The following MZT1 variants were observed in gnomAD, a reference collection of about 807,000 sequenced individuals.
The protein encoded by MZT1 is mitotic spindle organizing protein 1.
Under a neutral mutation model 8.5 loss-of-function variants are expected in MZT1, and 8 were observed. The ratio of observed to expected loss-of-function variants is 0.94; its 90% CI spans 0.55 to 1.70. The LOEUF (loss-of-function observed/expected upper bound fraction) is 1.70, where lower values mean the gene tolerates loss of function less well. Among genes scored for constraint, MZT1 ranks in the 40% most tolerant of loss-of-function variants. The pLI, the probability that MZT1 is intolerant of heterozygous loss-of-function variation, is 0.00. For synonymous variants in MZT1, 38 were observed against 42.0 expected (o/e 0.90, Z 0.37); for missense variants, 93 against 108.6 (o/e 0.86, Z 0.64).
In MZT1 at chr13:72,708,421, G is replaced by A. The variant is rs1027167042; in HGVS notation, c.*1901C>T. 5.2e-5 allele frequency: 8 copies of A among 152,504 alleles called. No individual in the cohort carries two copies. The highest frequency in any genetic ancestry group is 8.8e-5 in the Non-Finnish European group (6 of 68,008). 9.4% of individuals were successfully genotyped at this position (152,504 alleles called of 1,614,324 possible). ...TGACAACAAGCACAACACTGCAATT[G>A]TATCATTATTTTGTTTAGTTTCTTA... On this transcript the variant is annotated 3_prime_UTR_variant, in exon 3 of 3. Coordinates refer to ENST00000377818, the MANE Select transcript of MZT1 (RefSeq NM_001071775.3).
At chr13:72,724,605 C>A (rs964047580) in intron 1 of MZT1, among the ~76,000 whole-genome samples, 1 of 134,932 alleles carries the variant, frequency 7.4e-6, no homozygotes, top group Non-Finnish European at 1.6e-5. Context: ...GTGGCGCAAT[C>A]TCAGCTCACG....
intron 2 of MZT1, among the ~76,000 whole-genome samples, chr13:72,715,353 T>G (rs562722354): frequency 6.7e-6 from 1 of 149,636 alleles, no homozygotes; most frequent in African/African-American, 2.4e-5. Context: ...TTGTTTTAGA[T>G]TTTACAGGCT....
In MZT1 at chr13:72,719,891, C is replaced by T. The variant is rs933941724; in HGVS notation, c.80-794G>A. On this transcript the variant is annotated intron_variant, in intron 1 of 2. Coordinates refer to ENST00000377818, the MANE Select transcript of MZT1 (RefSeq NM_001071775.3). ...TCCCTTCCATTACAGGTTGTAAGTA[C>T]ACCGGTTCCACTGAATTTTGTTTTA... 2.1e-4 allele frequency among the ~76,000 whole-genome samples: 6 copies of T among 28,916 alleles called. No individual in the cohort carries two copies. In the Non-Finnish European group the frequency reaches 2.9e-3, roughly 14 times the overall value. The allele number at this position is 28,916 out of a possible 152,430, so 19.0% of individuals were successfully genotyped here.
In MZT1 at chr13:72,708,617, A is replaced by C. The variant is rs1233210071; in HGVS notation, c.*1705T>G. On this transcript the variant is annotated 3_prime_UTR_variant, in exon 3 of 3. Transcript: ENST00000377818. ...AATACTATCAACTCTTATGGCCTGG[A>C]AGTATATACAAATTTTGGAGTCTGA... 6.6e-6 allele frequency: 1 copy of C among 152,416 alleles called. No individual in the cohort carries two copies. Among genetic ancestry groups the C allele is most frequent in the Admixed American group, 6.6e-5 (1 of 15,262 alleles). The allele number at this position is 152,416 out of a possible 1,614,324, so 9.4% of individuals were successfully genotyped here.
chr13:72,711,798 G>A (rs2032491423), intron 2 of MZT1, among the ~76,000 whole-genome samples: 1 of 151,966 alleles, frequency 6.6e-6, no homozygotes, highest in Non-Finnish European at 1.5e-5. Context: ...GGGTGGTCAA[G>A]GAAAGGCAGG....
intron 1 of MZT1, among the ~76,000 whole-genome samples, chr13:72,722,745 C>T (rs1411029765): frequency 6.6e-6 from 1 of 152,180 alleles, no homozygotes; most frequent in East Asian, 1.9e-4. Context: ...CCGACAATCC[C>T]CTGCTGTGGT....
intron 1 of MZT1, among the ~76,000 whole-genome samples, chr13:72,720,350 T>C (rs1593798176): frequency 1.3e-5 from 2 of 152,252 alleles, no homozygotes; most frequent in South Asian, 4.1e-4. Context: ...TTCATTTATA[T>C]AAGCCATTTT....
In MZT1 at chr13:72,714,011, C is replaced by T. The variant is rs144630735; in HGVS notation, c.226-3666G>A. 1.5e-4 allele frequency among the ~76,000 whole-genome samples: 23 copies of T among 152,274 alleles called. 1 individual carries two copies. The East Asian group carries it at 3.3e-3, about 22-fold the overall frequency. On this transcript the variant is annotated intron_variant, in intron 2 of 2. Transcript: ENST00000377818. ...GGTTTGAGGTAAAAAAGAAACTTCCCTATCTAAATAGGAGACAAGTGCTGA... is the reference window on the plus strand; with the variant it reads ...GGTTTGAGGTAAAAAAGAAACTTCCTTATCTAAATAGGAGACAAGTGCTGA...
chr13:72,717,087 C>T (rs1270528941), intron 2 of MZT1, among the ~76,000 whole-genome samples: 2 of 152,180 alleles, frequency 1.3e-5, no homozygotes, highest in Admixed American at 6.5e-5. Flanking sequence ...CACTCTTAGC[C>T]CTGTCTCCAG....
At chr13:72,717,710 G>T (rs1055445065) in intron 2 of MZT1, among the ~76,000 whole-genome samples, 3 of 152,140 alleles carry the variant, frequency 2.0e-5, no homozygotes, top group Middle Eastern at 3.4e-3. Flanking sequence ...TTCCATCTGG[G>T]TCTTCACTAA....
chr13:72,708,649 T>A lies in MZT1; in HGVS notation c.*1673A>T, dbSNP rs1030091274. On this transcript the variant is annotated 3_prime_UTR_variant, in exon 3 of 3. Coordinates refer to ENST00000377818, the MANE Select transcript of MZT1 (RefSeq NM_001071775.3). ...TACAAATTTTGGAGTCTGACAAAAG[T>A]GTTCTTTATGATTTTATAAATAACA... is the stretch of plus-strand genomic sequence containing the variant. 1 of 152,254 alleles carries A rather than the reference T, an allele frequency of 6.6e-6. No individual in the cohort carries two copies. Among genetic ancestry groups the A allele is most frequent in the Non-Finnish European group, 1.5e-5 (1 of 67,998 alleles). 9.4% of individuals were successfully genotyped at this position (152,254 alleles called of 1,614,324 possible).
At chr13:72,720,695 C>A (rs2032584260) in intron 1 of MZT1, among the ~76,000 whole-genome samples, 1 of 152,078 alleles carries the variant, frequency 6.6e-6, no homozygotes, top group Admixed American at 6.6e-5. Flanking sequence ...TCGAGACCAG[C>A]CTGACCAACA....
chr13:72,710,724 A>C (rs942920773), intron 2 of MZT1, among the ~76,000 whole-genome samples: 1 of 152,124 alleles, frequency 6.6e-6, no homozygotes, highest in Non-Finnish European at 1.5e-5. Context: ...TTCATGCTAC[A>C]AGGCAGAGAG....
At chr13:72,720,923 A>T (rs1008149666) in intron 1 of MZT1, among the ~76,000 whole-genome samples, 3 of 72,710 alleles carry the variant, frequency 4.1e-5, no homozygotes, top group Non-Finnish European at 6.6e-5. Flanking sequence ...ATAGCAGTTC[A>T]ATTTGAGTCT....
chr13:72,714,053 T>C (rs1012756609), intron 2 of MZT1, among the ~76,000 whole-genome samples: 1 of 152,114 alleles, frequency 6.6e-6, no homozygotes, highest in Non-Finnish European at 1.5e-5. Flanking sequence ...AGATAATGGG[T>C]AAAAGGCCTA....
intron 1 of MZT1, 149 bp downstream of exon 1, chr13:72,727,375 C>T (rs2032684259): frequency 1.3e-6 from 1 of 788,540 alleles, no homozygotes; most frequent in East Asian, 2.5e-5. Flanking sequence ...GCCATCAGCC[C>T]TGCGGCCCTG....
At chr13:72,724,822 C>T (rs868435636) in intron 1 of MZT1, among the ~76,000 whole-genome samples, 2 of 141,840 alleles carry the variant, frequency 1.4e-5, no homozygotes, top group East Asian at 2.1e-4. Flanking sequence ...GAGGCTGAGG[C>T]GGGTGGATCA....
intron 2 of MZT1, among the ~76,000 whole-genome samples, chr13:72,713,573 T>G (rs1022562507): frequency 1.3e-5 from 2 of 152,188 alleles, no homozygotes; most frequent in Non-Finnish European, 2.9e-5. Context: ...GTTTAGGGAA[T>G]CATGAGAAGA....
At position 72,709,269 on chromosome 13, in the gene MZT1, C is replaced by T. The variant is rs775561978; in HGVS notation, c.*1053G>A. 2.1e-4 allele frequency: 32 copies of T among 151,648 alleles called. No homozygotes were observed. Among genetic ancestry groups the T allele is most frequent in the Non-Finnish European group, 4.3e-4 (29 of 67,826 alleles). 9.4% of individuals were successfully genotyped at this position (151,648 alleles called of 1,614,324 possible). On this transcript the variant is annotated 3_prime_UTR_variant, in exon 3 of 3. Transcript: ENST00000377818. ...TTAGTTTTGTTTAATGACTGGAAAT[C>T]CTTATTTCTTCAAAAAATAGCAAGT...
Sources: gnomAD v4.1 joint callset for allele counts (sites outside exome capture counted in the v4.1 genomes callset) on GRCh38, gnomAD v4.1.1 for gene constraint, MANE v1.5 for transcripts, NCBI Gene and HGNC (gene_info 2026-07-23, HGNC 2026-07-21) for gene names.